The following CWF19L2 variants were observed in gnomAD, a reference collection of about 807,000 sequenced individuals.
CWF19L2 encodes the protein CWF19 like cell cycle control factor 2.
A neutral mutation model predicts 111.7 loss-of-function variants in CWF19L2; 98 were observed. The ratio of observed to expected loss-of-function variants is 0.88; its 90% CI spans 0.75 to 1.04. The LOEUF (loss-of-function observed/expected upper bound fraction) is 1.04, where lower values mean the gene tolerates loss of function less well. Ranked by LOEUF, CWF19L2 falls within the 50% of genes least tolerant of loss-of-function variation. CWF19L2 has a pLI of 0.00. For synonymous variants in CWF19L2, 351 were observed against 342.9 expected (o/e 1.02, Z -0.26); for missense variants, 1,101 against 1,051.4 (o/e 1.05, Z -0.65).
At position 107,390,087 on chromosome 11, in the gene CWF19L2, C is replaced by G. The variant is rs1256101606; in HGVS notation, c.1859G>C (p.Arg620Thr). 1 of 1,612,582 alleles carries G rather than the reference C, an allele frequency of 6.2e-7. No homozygotes were observed. The highest frequency in any genetic ancestry group is 1.1e-5 in the South Asian group (1 of 90,834). Residue 620 changes from arginine to threonine, a missense_variant, in exon 12 of 18, where the codon AGA becomes ACA. Coordinates refer to ENST00000282251, the MANE Select transcript of CWF19L2 (RefSeq NM_152434.3). ...AATATATCTTACCTTAGATGCCATTCTCATAAAGAGCTTGTTTTGATTTTC... is the reference window on the plus strand; with the variant it reads ...AATATATCTTACCTTAGATGCCATTGTCATAAAGAGCTTGTTTTGATTTTC... ...TAENQNKLFM[R>T]MASKFMGKTD...
Position 107,326,642 on chromosome 11 carries a change from G to C in CWF19L2, c.*268C>G. ...TTCTCTAAATTAACTGAACAATTCG[G>C]AATACCAAGAAGTAGGTAGAGAGCA... On this transcript the variant is annotated 3_prime_UTR_variant, in exon 18 of 18. Coordinates refer to ENST00000282251, the MANE Select transcript of CWF19L2 (RefSeq NM_152434.3). The C allele has an allele frequency of 3.3e-6, 1 of 302,990 alleles. No individual in the cohort carries two copies. Among genetic ancestry groups the C allele is most frequent in the East Asian group, 5.3e-5 (1 of 18,930 alleles). The allele number at this position is 302,990 out of a possible 1,614,324, so 18.8% of individuals were successfully genotyped here.
At chr11:107,368,266 A>G (rs1358511857) in intron 12 of CWF19L2, among the ~76,000 whole-genome samples, 1 of 137,914 alleles carries the variant, frequency 7.3e-6, no homozygotes, top group African/African-American at 2.9e-5. Flanking sequence ...ATTACAACTG[A>G]TATCACAGAA....
chr11:107,435,304 T>G (rs957412418), intron 6 of CWF19L2, among the ~76,000 whole-genome samples: 1 of 152,172 alleles, frequency 6.6e-6, no homozygotes. Flanking sequence ...AAATTAACTA[T>G]GCAACCACTT....
chr11:107,370,011 C>T (rs11212190), intron 12 of CWF19L2, among the ~76,000 whole-genome samples: 45,864 of 135,960 alleles, frequency 0.34, 13,420 homozygotes, highest in Non-Finnish European at 0.4. Flanking sequence ...AGAAATATAT[C>T]CACATTTCCA....
At chr11:107,404,164 T>A (rs1265843896) in intron 10 of CWF19L2, 1 of 775,946 alleles carries the variant, frequency 1.3e-6, no homozygotes, top group African/African-American at 1.7e-5. Context: ...ATTTTTTGCA[T>A]TTACGTAAGC....
rs112651270 is a variant in CWF19L2, at chr11:107,443,489, A to T, written c.340-440T>A. On this transcript the variant is annotated intron_variant, in intron 3 of 17. Transcript: ENST00000282251. ...CAGAGACTCCGTCTCAAAAAAAAAAATTTTTTTAAAGAAAAAACATATAAA... is the reference window on the plus strand; with the variant it reads ...CAGAGACTCCGTCTCAAAAAAAAAATTTTTTTTAAAGAAAAAACATATAAA... Among the ~76,000 whole-genome samples the T allele has an allele frequency of 6.3e-3, 951 of 152,070 alleles. 3 individuals are homozygous for T. The highest frequency in any genetic ancestry group is 0.015 in the African/African-American group (623 of 41,448).
intron 10 of CWF19L2, among the ~76,000 whole-genome samples, chr11:107,393,490 T>C (rs1860878556): frequency 6.6e-6 from 1 of 152,114 alleles, no homozygotes; most frequent in Non-Finnish European, 1.5e-5. Flanking sequence ...CTAATGGAAA[T>C]GGAATGTTAT....
At position 107,453,467 on chromosome 11, in the gene CWF19L2, T is replaced by G. The variant is rs76125169; in HGVS notation, c.339+983A>C. On this transcript the variant is annotated intron_variant, in intron 3 of 17. Transcript: ENST00000282251. ...TAAATACAGGACTCCATCTTGCATC[T>G]TGAATACCAGCTCAGCCATAGCTGG... Among the ~76,000 whole-genome samples, 1,372 of 152,102 alleles carry G rather than the reference T, an allele frequency of 9.0e-3. 18 individuals carry two copies. The highest frequency in any genetic ancestry group is 0.031 in the African/African-American group (1,296 of 41,468).
intron 10 of CWF19L2, chr11:107,404,634 C>G (rs547413327): frequency 2.5e-5 from 13 of 519,978 alleles, no homozygotes; most frequent in Non-Finnish European, 4.7e-5. Flanking sequence ...CTTTGTCCCA[C>G]GCTTACCCCA....
intron 12 of CWF19L2, among the ~76,000 whole-genome samples, chr11:107,363,474 T>G (rs1385925244): frequency 6.6e-6 from 1 of 151,782 alleles, no homozygotes; most frequent in East Asian, 1.9e-4. Flanking sequence ...AGCGGATCTC[T>G]AGGCAGAAAC....
chr11:107,443,312 C>T (rs575907191), intron 3 of CWF19L2, among the ~76,000 whole-genome samples: 34 of 151,918 alleles, frequency 2.2e-4, no homozygotes, highest in Admixed American at 2.6e-4. Flanking sequence ...GAAACACCAT[C>T]TCTACTAAAA....
intron 1 of CWF19L2, among the ~76,000 whole-genome samples, 163 bp from the exon 2 acceptor site, chr11:107,455,939 A>T (rs629755): frequency 0.22 from 33,999 of 152,124 alleles, 3,949 homozygotes; most frequent in Middle Eastern, 0.28. Context: ...AAAAAATAAA[A>T]AAATAAATAA....
chr11:107,393,218 T>A (rs77834311), intron 10 of CWF19L2, among the ~76,000 whole-genome samples: 5 of 152,158 alleles, frequency 3.3e-5, no homozygotes, highest in African/African-American at 4.8e-5. Context: ...ATGCAGTAGA[T>A]GTAATGTTTT....
chr11:107,355,698 A>T (rs983623688), intron 12 of CWF19L2, among the ~76,000 whole-genome samples: 1 of 152,254 alleles, frequency 6.6e-6, no homozygotes, highest in African/African-American at 2.4e-5. Flanking sequence ...TAACAATCCT[A>T]AAGTTTATAT....
At chr11:107,457,682 A>G (rs1239194458) in intron 1 of CWF19L2, 30 bp downstream of exon 1, 2 of 1,504,932 alleles carry the variant, frequency 1.3e-6, no homozygotes, top group Non-Finnish European at 1.8e-6. Flanking sequence ...ACAACAATAA[A>G]TAACTACAAA....
At chr11:107,386,385 A>G (rs531285415) in intron 12 of CWF19L2, among the ~76,000 whole-genome samples, 7 of 152,276 alleles carry the variant, frequency 4.6e-5, no homozygotes, top group Middle Eastern at 3.4e-3. Flanking sequence ...TCCTTATATA[A>G]TTGATGGATG....
At chr11:107,402,869 G>GTATATATATATATATATATATATATA (rs1491324734) in intron 10 of CWF19L2, among the ~76,000 whole-genome samples, 1 of 22,020 alleles carries the variant, frequency 4.5e-5, no homozygotes. Flanking sequence ...ACAAACTGTG[G>GTATATATATATATATATATATATATA]TGTGTATATA....
intron 14 of CWF19L2, chr11:107,345,287 G>GA (rs1285988099): frequency 7.8e-5 from 19 of 243,450 alleles, no homozygotes; most frequent in Admixed American, 6.6e-4. Context: ...TTATATACTA[G>GA]AAAAAACAAA....
At chr11:107,371,882 G>A (rs1860515764) in intron 12 of CWF19L2, among the ~76,000 whole-genome samples, 1 of 136,762 alleles carries the variant, frequency 7.3e-6, no homozygotes, top group Non-Finnish European at 1.6e-5. Flanking sequence ...GATGAAAGAT[G>A]GTCCCCCCAC....
Sources: gnomAD v4.1 joint callset for allele counts (sites outside exome capture counted in the v4.1 genomes callset) on GRCh38, gnomAD v4.1.1 for gene constraint, MANE v1.5 for transcripts, NCBI Gene and HGNC (gene_info 2026-07-23, HGNC 2026-07-21) for gene names.